RBFOX1: variants seen among roughly 807,000 people sequenced by gnomAD.
The protein encoded by RBFOX1 is RNA binding fox-1 homolog 1.
RBFOX1 carries 8 observed loss-of-function variants against 57.7 expected under a neutral mutation model. The observed-to-expected ratio is 0.14, with a 90% CI of 0.08 to 0.25. The LOEUF is 0.25. RBFOX1 is among the 10% of genes least tolerant of loss of function. RBFOX1 has a pLI of 1.00. For synonymous variants in RBFOX1, 326 were observed against 222.4 expected (o/e 1.47, Z -4.15); for missense variants, 611 against 548.5 (o/e 1.11, Z -1.14).
At chr16:6,670,134 G>C (rs1391755904) in intron 3 of RBFOX1, among the ~76,000 whole-genome samples, 1 of 152,098 alleles carries the variant, frequency 6.6e-6, no homozygotes, top group Non-Finnish European at 1.5e-5. Flanking sequence ...TAGTTATATA[G>C]TACCAAGTGG....
intron 2 of RBFOX1, among the ~76,000 whole-genome samples, chr16:6,561,366 G>A (rs1290203072): frequency 6.6e-6 from 1 of 152,192 alleles, no homozygotes; most frequent in African/African-American, 2.4e-5. Flanking sequence ...TAACCATTCA[G>A]TAGAACTGTT....
intron 2 of RBFOX1, among the ~76,000 whole-genome samples, chr16:6,543,247 C>G (rs1202138123): frequency 6.6e-6 from 1 of 152,130 alleles, no homozygotes; most frequent in Non-Finnish European, 1.5e-5. Context: ...GCGTCTCCTC[C>G]ATGCCACCGT....
intron 5 of RBFOX1, among the ~76,000 whole-genome samples, chr16:7,523,952 C>T (rs946395668): frequency 2.0e-5 from 3 of 152,132 alleles, no homozygotes; most frequent in African/African-American, 7.2e-5. Flanking sequence ...CGAATTTAAC[C>T]TCAAAGTGGG....
intron 1 of RBFOX1, among the ~76,000 whole-genome samples, chr16:6,135,552 G>C (rs983201132): frequency 4.6e-5 from 7 of 151,976 alleles, no homozygotes; most frequent in African/African-American, 1.7e-4. Flanking sequence ...GGTATTCATT[G>C]GATATTTGAA....
chr16:6,862,655 G>A (rs887955887), intron 3 of RBFOX1, among the ~76,000 whole-genome samples: 1 of 152,124 alleles, frequency 6.6e-6, no homozygotes, highest in Non-Finnish European at 1.5e-5. Flanking sequence ...AAGTGGTTTT[G>A]TATGAACAGA....
Position 7,211,066 on chromosome 16 carries a change from T to C in RBFOX1, c.27+158968T>C, listed in dbSNP as rs944800482. Among the ~76,000 whole-genome samples, 4 of 141,566 alleles carry C rather than the reference T, an allele frequency of 2.8e-5. 1 individual carries two copies. Among genetic ancestry groups the C allele is most frequent in the Non-Finnish European group, 3.0e-5 (2 of 66,552 alleles). The allele number at this position is 141,566 out of a possible 152,430, so 92.9% of individuals were successfully genotyped here. On this transcript the variant is annotated intron_variant, in intron 4 of 15. Transcript: ENST00000550418. The stretch of plus-strand genomic sequence containing the variant: ...AAGTATGTCAAAGTATTATGTTGTA[T>C]ACCTTAGATACATACACTTAAAAAA...
At chr16:7,411,369 G>A (rs761674925) in intron 4 of RBFOX1, among the ~76,000 whole-genome samples, 38 of 152,066 alleles carry the variant, frequency 2.5e-4, no homozygotes, top group Non-Finnish European at 2.9e-4. Flanking sequence ...GACAGTGTAT[G>A]GAATTTCAGT....
intron 3 of RBFOX1, among the ~76,000 whole-genome samples, chr16:6,895,486 A>ATATATATATATATATATATG (rs1231560510): frequency 5.7e-4 from 52 of 92,004 alleles, no homozygotes; most frequent in Non-Finnish European, 1.1e-3. Context: ...ATATATATAT[A>ATATATATATATATATATATG]TTTATTCCCC....
At chr16:7,254,150 A>G (rs921347766) in intron 4 of RBFOX1, among the ~76,000 whole-genome samples, 4 of 152,190 alleles carry the variant, frequency 2.6e-5, no homozygotes, top group African/African-American at 9.6e-5. Flanking sequence ...TTGTTTGTCA[A>G]TGAGAAGACC....
At chr16:7,090,123 C>T (rs1293867153) in intron 4 of RBFOX1, among the ~76,000 whole-genome samples, 2 of 152,112 alleles carry the variant, frequency 1.3e-5, no homozygotes, top group Non-Finnish European at 2.9e-5. Flanking sequence ...TGTTTAAGAG[C>T]TCATCTTGCT....
Position 7,489,328 on chromosome 16 carries a change from G to A in RBFOX1, c.28-28819G>A, listed in dbSNP as rs552001615. 5.9e-5 allele frequency among the ~76,000 whole-genome samples: 9 copies of A among 152,168 alleles called. No homozygotes were observed. In the South Asian group the frequency reaches 1.9e-3, roughly 32 times the overall value. On this transcript the variant is annotated intron_variant, in intron 4 of 15. Transcript: ENST00000550418. ...CAGGAACTGCCTGAGGTACCTTTTG[G>A]CAAGTATTTCATAATTGTTCTTAAA... is the stretch of plus-strand genomic sequence containing the variant.
chr16:5,396,589 C>G (rs1475916396), intron 1 of RBFOX1, among the ~76,000 whole-genome samples: 1 of 152,136 alleles, frequency 6.6e-6, no homozygotes. Flanking sequence ...TTGCAGTGAG[C>G]TGAGATCACG....
chr16:6,824,954 C>G (rs529266787), intron 3 of RBFOX1, among the ~76,000 whole-genome samples: 3 of 114,068 alleles, frequency 2.6e-5, no homozygotes, highest in Non-Finnish European at 4.0e-5. Context: ...TCCTTCTACA[C>G]TGAGGATTTC....
chr16:5,293,710 A>G (rs541574837), intron 1 of RBFOX1, among the ~76,000 whole-genome samples: 3 of 151,054 alleles, frequency 2.0e-5, no homozygotes, highest in South Asian at 2.1e-4. Flanking sequence ...AGGCAAATCT[A>G]TAGAGGCAGA....
intron 1 of RBFOX1, among the ~76,000 whole-genome samples, chr16:5,362,040 T>C (rs1182904094): frequency 6.6e-6 from 1 of 152,252 alleles, no homozygotes; most frequent in Non-Finnish European, 1.5e-5. Context: ...GCATAAGTTA[T>C]GTTTTTATTT....
chr16:7,602,943 A>C (rs2141066897), intron 9 of RBFOX1, among the ~76,000 whole-genome samples: 1 of 152,326 alleles, frequency 6.6e-6, no homozygotes, highest in South Asian at 2.1e-4. Context: ...AACTTCAGAA[A>C]CTGTACAAAT....
chr16:5,822,529 C>G (rs571331132), intron 3 of RBFOX1, among the ~76,000 whole-genome samples: 8 of 152,328 alleles, frequency 5.3e-5, no homozygotes, highest in African/African-American at 1.7e-4. Context: ...GAGATCTACT[C>G]TATAGCATAG....
At chr16:7,235,116 A>G (rs897507212) in intron 4 of RBFOX1, among the ~76,000 whole-genome samples, 1 of 152,168 alleles carries the variant, frequency 6.6e-6, no homozygotes, top group Admixed American at 6.5e-5. Context: ...TAAGAGGTAT[A>G]TAAATCTACA....
chr16:6,876,209 A>G (rs990956947), intron 3 of RBFOX1, among the ~76,000 whole-genome samples: 3 of 151,994 alleles, frequency 2.0e-5, no homozygotes, highest in East Asian at 1.9e-4. Context: ...AAAGCAAAAC[A>G]AAAAGCATCA....
Sources: allele counts gnomAD v4.1 joint callset (sites outside exome capture counted in the v4.1 genomes callset), GRCh38; gene constraint gnomAD v4.1.1; transcripts MANE v1.5; gene names NCBI Gene and HGNC (gene_info 2026-07-23, HGNC 2026-07-21).